The following FNDC3B variants were observed in gnomAD, a reference collection of about 807,000 sequenced individuals.
FNDC3B encodes the protein fibronectin type III domain containing 3B, also known as fibronectin type III domain-containing protein 3B.
Under a neutral mutation model 151.5 loss-of-function variants are expected in FNDC3B, and 12 were observed. The ratio of observed to expected loss-of-function variants is 0.08; its 90% CI spans 0.05 to 0.13. The LOEUF (loss-of-function observed/expected upper bound fraction) is 0.13, where lower values mean the gene tolerates loss of function less well. FNDC3B is among the 10% of genes least tolerant of loss of function. FNDC3B has a pLI of 1.00. For synonymous variants in FNDC3B, 528 were observed against 549.0 expected, an observed-to-expected ratio of 0.96 and a Z score of 0.54; for missense variants, 1,214 against 1,505.3, an observed-to-expected ratio of 0.81 and a Z score of 3.20.
intron 1 of FNDC3B, among the ~76,000 whole-genome samples, chr3:172,074,847 C>A (rs1218125002): frequency 6.6e-6 from 1 of 152,144 alleles, no homozygotes; most frequent in East Asian, 1.9e-4. Flanking sequence ...GTGTTGTCAT[C>A]CAGTGTCAAA....
In FNDC3B at chr3:172,040,860, C is replaced by A. The variant is rs1051188368; in HGVS notation, c.-29+1089C>A. On this transcript the variant is annotated intron_variant, in intron 1 of 25. Coordinates refer to ENST00000415807, the MANE Select transcript of FNDC3B (RefSeq NM_022763.4). This position sits in a 1 kb window ranked among gnomAD's most constrained non-coding sequence, Gnocchi z 6.6. Reference sequence around the variant, plus strand: ...TCCCGTGGGAACCGGAGGACCCGGGCCCGCCGTCTCGGGAGACTGGGCTGC... The same window carrying A: ...TCCCGTGGGAACCGGAGGACCCGGGACCGCCGTCTCGGGAGACTGGGCTGC... Among the ~76,000 whole-genome samples the A allele has an allele frequency of 6.6e-6, 1 of 152,044 alleles. No individual in the cohort carries two copies. Among genetic ancestry groups the A allele is most frequent in the Non-Finnish European group, 1.5e-5 (1 of 67,958 alleles).
chr3:172,196,227 G>T (rs1285940899), intron 3 of FNDC3B, among the ~76,000 whole-genome samples: 3 of 152,030 alleles, frequency 2.0e-5, no homozygotes, highest in Non-Finnish European at 2.9e-5. Context: ...TTGCTCTGTT[G>T]CCCAGGCTGG....
At chr3:172,171,916 G>A (rs1723304010) in intron 3 of FNDC3B, among the ~76,000 whole-genome samples, 1 of 152,180 alleles carries the variant, frequency 6.6e-6, no homozygotes, top group African/African-American at 2.4e-5. Context: ...GCCAGCATGA[G>A]AGGTGGAAGT....
chr3:172,358,954 T>TTGGTGGTGGTGGTGGTGG (rs60325692), intron 22 of FNDC3B, among the ~76,000 whole-genome samples: 9 of 80,560 alleles, frequency 1.1e-4, no homozygotes, highest in Admixed American at 3.2e-4. Context: ...CACAGTTTTC[T>TTGGTGGTGGTGGTGGTGG]TGGTGGTGGT....
intron 3 of FNDC3B, chr3:172,187,300 T>C (rs1724238020): frequency 6.6e-6 from 1 of 152,310 alleles, no homozygotes; most frequent in South Asian, 2.1e-4. Flanking sequence ...AAAACATTAC[T>C]TGACCTCTTC....
chr3:172,225,327 C>A (rs1726505685), intron 3 of FNDC3B: 1 of 157,538 alleles, frequency 6.3e-6, no homozygotes, highest in Non-Finnish European at 1.4e-5. Flanking sequence ...GCGCGCACCA[C>A]CATGCCTAGC....
chr3:172,362,052 A>G (rs1734391619), intron 22 of FNDC3B, among the ~76,000 whole-genome samples: 1 of 152,242 alleles, frequency 6.6e-6, no homozygotes, highest in Non-Finnish European at 1.5e-5. Flanking sequence ...TCTTATCCAT[A>G]ACTCTGTGCT....
intron 3 of FNDC3B, among the ~76,000 whole-genome samples, chr3:172,167,212 A>G (rs1469550494): frequency 3.9e-5 from 6 of 152,218 alleles, no homozygotes; most frequent in Non-Finnish European, 8.8e-5. Flanking sequence ...TCTGGCCAAC[A>G]TGGCGAAACC....
At chr3:172,374,810 G>A (rs528214017) in intron 23 of FNDC3B, among the ~76,000 whole-genome samples, 2 of 152,278 alleles carry the variant, frequency 1.3e-5, no homozygotes, top group African/African-American at 4.8e-5. Context: ...CTACTTGCTG[G>A]TGTTTCATAG....
At chr3:172,055,269 A>G (rs991645827) in intron 1 of FNDC3B, among the ~76,000 whole-genome samples, 2 of 152,130 alleles carry the variant, frequency 1.3e-5, no homozygotes, top group African/African-American at 4.8e-5. Flanking sequence ...GTACTATACA[A>G]TTTCTTCACT....
At chr3:172,345,501 G>A (rs1294481063) in intron 19 of FNDC3B, among the ~76,000 whole-genome samples, 1 of 152,088 alleles carries the variant, frequency 6.6e-6, no homozygotes, top group Non-Finnish European at 1.5e-5. Context: ...TATCGCTGTA[G>A]TCACCTTCTG....
intron 25 of FNDC3B, among the ~76,000 whole-genome samples, chr3:172,392,103 C>T (rs760716405): frequency 6.6e-6 from 1 of 152,124 alleles, no homozygotes; most frequent in South Asian, 2.1e-4. Context: ...GTATGGATTG[C>T]GGCAGTCACC....
chr3:172,354,226 T>C (rs576804460), intron 22 of FNDC3B, among the ~76,000 whole-genome samples: 1 of 152,046 alleles, frequency 6.6e-6, no homozygotes, highest in South Asian at 2.1e-4. Context: ...TTTCTGTTTA[T>C]ATACAAATAG....
At chr3:172,312,636 G>A (rs1052804387) in intron 11 of FNDC3B, among the ~76,000 whole-genome samples, 1 of 151,928 alleles carries the variant, frequency 6.6e-6, no homozygotes, top group Non-Finnish European at 1.5e-5. Flanking sequence ...CACTGTGTGT[G>A]TATGTGCGTG....
intron 3 of FNDC3B, among the ~76,000 whole-genome samples, chr3:172,139,069 G>T (rs1033238749): frequency 6.6e-6 from 1 of 152,084 alleles, no homozygotes; most frequent in Non-Finnish European, 1.5e-5. Flanking sequence ...TTCCTCATTT[G>T]TCTCCCATCC....
At chr3:172,220,750 A>G (rs1481230260) in intron 3 of FNDC3B, among the ~76,000 whole-genome samples, 1 of 152,166 alleles carries the variant, frequency 6.6e-6, no homozygotes, top group East Asian at 1.9e-4. Flanking sequence ...GAATTTTGAT[A>G]GGATTACATT....
intron 3 of FNDC3B, among the ~76,000 whole-genome samples, chr3:172,215,737 T>A (rs1725945671): frequency 6.6e-6 from 1 of 152,190 alleles, no homozygotes. Flanking sequence ...TCTGCCCCGT[T>A]CCTGCTGAGA....
chr3:172,369,978 G>A (rs1341239228), intron 23 of FNDC3B, among the ~76,000 whole-genome samples: 1 of 151,620 alleles, frequency 6.6e-6, no homozygotes, highest in Non-Finnish European at 1.5e-5. Flanking sequence ...AAAAAGACAT[G>A]TCATTTTTAA....
chr3:172,326,894 G>A (rs1021599960), intron 11 of FNDC3B, among the ~76,000 whole-genome samples: 1 of 152,158 alleles, frequency 6.6e-6, no homozygotes, highest in Non-Finnish European at 1.5e-5. Flanking sequence ...AGGCATTAAA[G>A]GGGAGCCAAC....
Sources: gnomAD v4.1 joint callset for allele counts (sites outside exome capture counted in the v4.1 genomes callset) on GRCh38, gnomAD v4.1.1 for gene constraint, Gnocchi (gnomAD v3.1) non-coding constraint, MANE v1.5 for transcripts, NCBI Gene and HGNC (gene_info 2026-07-23, HGNC 2026-07-21) for gene names.